CRYL1: variants seen among roughly 807,000 people sequenced by gnomAD.
CRYL1 encodes the protein crystallin lambda 1.
Under a neutral mutation model 36.6 loss-of-function variants are expected in CRYL1, and 29 were observed. The observed-to-expected ratio is 0.79, with a 90% CI of 0.59 to 1.08. The LOEUF is 1.08. Ranked by LOEUF, CRYL1 falls within the 50% of genes least tolerant of loss-of-function variation. The pLI is 0.00. For missense variants in CRYL1, 411 were observed against 407.9 expected, an observed-to-expected ratio of 1.01 and a Z score of -0.06; for synonymous variants, 152 against 151.5, an observed-to-expected ratio of 1.00 and a Z score of -0.02.
intron 3 of CRYL1, among the ~76,000 whole-genome samples, chr13:20,472,010 A>G (rs1383888569): frequency 6.6e-6 from 1 of 151,970 alleles, no homozygotes; most frequent in Non-Finnish European, 1.5e-5. Flanking sequence ...ACAGGCGCCC[A>G]CCAACATGCA....
At position 20,429,375 on chromosome 13, in the gene CRYL1, A is replaced by G. The variant is rs111848836; in HGVS notation, c.633+2727T>C. ...GGAAGTTGTGAGTCAAAGGGGTGTC[A>G]TTGCACCCTGTGTTCAACTGTGGTT... On this transcript the variant is annotated intron_variant, in intron 5 of 7. Transcript: ENST00000298248. Among the ~76,000 whole-genome samples the G allele has an allele frequency of 0.015, 2,321 of 152,288 alleles. 68 individuals are homozygous for G. The highest frequency in any genetic ancestry group is 0.054 in the African/African-American group (2,225 of 41,568).
At chr13:20,488,070 C>G (rs780401107) in intron 3 of CRYL1, among the ~76,000 whole-genome samples, 5 of 152,210 alleles carry the variant, frequency 3.3e-5, no homozygotes. Flanking sequence ...CCACTGCACT[C>G]CAGCCTGGGC....
At position 20,525,673 on chromosome 13, in the gene CRYL1, C is replaced by G. The variant is rs1399520391; in HGVS notation, c.41+81G>C. The stretch of plus-strand genomic sequence containing the variant: ...CGGGGACAGCGACCCGGCGCCCACC[C>G]CGAGGGCCCCACGCGAGGGCACCAC... On this transcript the variant is annotated intron_variant, in intron 1 of 7. Coordinates refer to ENST00000298248, the MANE Select transcript of CRYL1 (RefSeq NM_015974.3). The surrounding 1 kb of genome is among the most constrained non-coding windows in gnomAD (Gnocchi z 4.3). The G allele has an allele frequency of 1.3e-5, 16 of 1,186,510 alleles. No individual in the cohort carries two copies. Among genetic ancestry groups the G allele is most frequent in the Non-Finnish European group, 1.7e-5 (16 of 929,560 alleles). The allele number at this position is 1,186,510 out of a possible 1,614,324, so 73.5% of individuals were successfully genotyped here. A position where few individuals can be genotyped will look rare whatever the true frequency, so the allele number is the denominator to read the frequency against.
chr13:20,409,249 A>C (rs1343584635), intron 6 of CRYL1, among the ~76,000 whole-genome samples: 2 of 146,304 alleles, frequency 1.4e-5, no homozygotes, highest in Admixed American at 1.4e-4. Flanking sequence ...AGCAATGGGG[A>C]ACGGATTCCC....
intron 3 of CRYL1, among the ~76,000 whole-genome samples, chr13:20,479,227 A>C (rs7321826): frequency 1.3e-5 from 2 of 152,088 alleles, no homozygotes; most frequent in Non-Finnish European, 2.9e-5. Context: ...AATGTTTTCA[A>C]GTAACACTTT....
chr13:20,422,553 T>G (rs2031843171), intron 5 of CRYL1, among the ~76,000 whole-genome samples: 1 of 152,164 alleles, frequency 6.6e-6, no homozygotes, highest in Non-Finnish European at 1.5e-5. Context: ...CCAGCAAGTG[T>G]AAGCAAACCT....
At chr13:20,434,685 C>CAAA (rs1490781236) in intron 4 of CRYL1, among the ~76,000 whole-genome samples, 3 of 150,274 alleles carry the variant, frequency 2.0e-5, no homozygotes, top group Non-Finnish European at 4.4e-5. Context: ...AAGCTTTGTC[C>CAAA]TTTTGCTCTT....
chr13:20,410,000 A>T (rs1593425704), intron 6 of CRYL1, among the ~76,000 whole-genome samples: 1 of 151,936 alleles, frequency 6.6e-6, no homozygotes, highest in South Asian at 2.1e-4. Flanking sequence ...CTAGAACTAG[A>T]AATACCATTT....
At chr13:20,441,907 G>T (rs886117354) in intron 3 of CRYL1, among the ~76,000 whole-genome samples, 2 of 151,898 alleles carry the variant, frequency 1.3e-5, no homozygotes, top group Non-Finnish European at 2.9e-5. Context: ...ACAAAAGTTC[G>T]CATGAGCACC....
chr13:20,420,669 T>C (rs1473581769), intron 5 of CRYL1, among the ~76,000 whole-genome samples: 1 of 146,910 alleles, frequency 6.8e-6, no homozygotes, highest in Non-Finnish European at 1.5e-5. Context: ...ACAGGTGGAG[T>C]TTTTCCCTTT....
At chr13:20,458,892 C>G (rs1001946215) in intron 3 of CRYL1, among the ~76,000 whole-genome samples, 1 of 152,118 alleles carries the variant, frequency 6.6e-6, no homozygotes, top group African/African-American at 2.4e-5. Context: ...TCAATTGTGC[C>G]CTTTTAAAAA....
intron 3 of CRYL1, among the ~76,000 whole-genome samples, chr13:20,472,363 A>C (rs1414765613): frequency 2.0e-5 from 3 of 152,166 alleles, no homozygotes; most frequent in African/African-American, 7.2e-5. Context: ...TTTTTGCCAA[A>C]TATTTTCAAG....
At chr13:20,482,030 C>T (rs187280051) in intron 3 of CRYL1, among the ~76,000 whole-genome samples, 177 of 152,212 alleles carry the variant, frequency 1.2e-3, no homozygotes, top group African/African-American at 4.1e-3. Flanking sequence ...AACCCCCCAC[C>T]CCCACACCCA....
chr13:20,479,602 G>T (rs748532851), intron 3 of CRYL1, among the ~76,000 whole-genome samples: 6 of 152,078 alleles, frequency 3.9e-5, no homozygotes, highest in Non-Finnish European at 7.4e-5. Flanking sequence ...AATATAAGTA[G>T]AATATGACAC....
intron 3 of CRYL1, among the ~76,000 whole-genome samples, chr13:20,460,635 C>T (rs1163829548): frequency 4.0e-5 from 6 of 149,812 alleles, no homozygotes; most frequent in Non-Finnish European, 8.9e-5. Flanking sequence ...ACGCCATTCT[C>T]CTGCCTCAGC....
chr13:20,424,264 C>T (rs1026714030), intron 5 of CRYL1, among the ~76,000 whole-genome samples: 10 of 152,202 alleles, frequency 6.6e-5, no homozygotes, highest in Non-Finnish European at 1.3e-4. Flanking sequence ...GATGTATCCG[C>T]TCTAACGACC....
chr13:20,518,899 A>C (rs1405705289), intron 1 of CRYL1, among the ~76,000 whole-genome samples: 2 of 152,240 alleles, frequency 1.3e-5, no homozygotes, highest in Non-Finnish European at 2.9e-5. Context: ...TCTTTTGGAC[A>C]AGAAAGGATG....
At chr13:20,522,269 G>T (rs1200346369) in intron 1 of CRYL1, among the ~76,000 whole-genome samples, 1 of 151,974 alleles carries the variant, frequency 6.6e-6, no homozygotes. Context: ...AGAATTGCTT[G>T]AATCCAGAAG....
At chr13:20,512,619 A>C (rs1281133481) in intron 1 of CRYL1, 69 bp from the exon 2 acceptor site, 2 of 1,175,898 alleles carry the variant, frequency 1.7e-6, no homozygotes, top group African/African-American at 3.1e-5. Flanking sequence ...CCTAACCCAG[A>C]ATGAGTTTTT....
Sources: gnomAD v4.1 joint callset for allele counts (sites outside exome capture counted in the v4.1 genomes callset) on GRCh38, gnomAD v4.1.1 for gene constraint, Gnocchi (gnomAD v3.1) non-coding constraint, MANE v1.5 for transcripts, NCBI Gene and HGNC (gene_info 2026-07-23, HGNC 2026-07-21) for gene names.